Variants in TPSG1 observed in about 807,000 individuals in gnomAD.
TPSG1 encodes the protein tryptase gamma 1, also known as tryptase gamma.
Under a neutral mutation model 23.8 loss-of-function variants are expected in TPSG1, and 43 were observed. That is an observed-to-expected ratio of 1.81 (90% confidence interval 1.42 to 2.33). TPSG1 has a LOEUF of 2.33. TPSG1 is among the 30% of genes most tolerant of loss of function. TPSG1 has a pLI of 0.00. For missense variants in TPSG1, 623 were observed against 438.6 expected (o/e 1.42, Z -3.75); for synonymous variants, 302 against 201.3 (o/e 1.50, Z -4.23).
At position 1,221,864 on chromosome 16, in the gene TPSG1, A is replaced by G; in HGVS notation, c.890T>C (p.Leu297Pro). ...GFFLPGLFLL[L>P]VSCVLLAKCL... ...CTTGGCCAGCAGGACACAGGAGACT[A>G]GCAGAAGGAAGAGGCCGGGGAGGAA... The change falls in exon 6 of 6, where the codon CTA becomes CCA. Residue 297 changes from leucine to proline, a missense_variant. Physicochemically the swap from Leu to Pro is moderately conservative, Grantham distance 98. Transcript: ENST00000234798. 1 of 1,612,044 alleles carries G rather than the reference A, an allele frequency of 6.2e-7. No homozygotes were observed. The highest frequency in any genetic ancestry group is 8.5e-7 in the Non-Finnish European group (1 of 1,179,556).
At position 1,225,233 on chromosome 16, in the gene TPSG1, C is replaced by T. The variant is rs745839065; in HGVS notation, c.20G>A (p.Gly7Asp). 5.1e-6 allele frequency: 8 copies of T among 1,577,560 alleles called. No individual in the cohort carries two copies. In the East Asian group the frequency reaches 1.2e-4, roughly 23 times the overall value. The stretch of plus-strand genomic sequence containing the variant: ...GGGCACAGCCAGGAGCAGCAGGAGG[C>T]CACAGGCCCCAAGGGCCATGGTGTC... MALGAC[G>D]LLLLLAVPGV... Residue 7 changes from glycine (G) to aspartate (D), a missense_variant, in exon 1 of 6, where the codon GGC (glycine) becomes GAC (aspartate). Transcript: ENST00000234798.
In TPSG1 at chr16:1,222,892, C is replaced by G; in HGVS notation, c.271G>C (p.Val91Leu). Reference protein sequence around the residue: ...SGSLNSSDYQVHLGELEITLS... With the variant: ...SGSLNSSDYQLHLGELEITLS... ...GTGATCTCCAGTTCCCCCAGGTGCA[C>G]CTGGTAGTCGGATGAGTTCAGGGAC... Residue 91 changes from valine (V) to leucine (L), a missense_variant, in exon 4 of 6, where the codon GTG (valine) becomes CTG (leucine). Val to Leu is a conservative substitution (Grantham distance 32, BLOSUM62 1). Transcript: ENST00000234798. 1 of 1,608,412 alleles carries G rather than the reference C, an allele frequency of 6.2e-7. No homozygotes were observed. Among genetic ancestry groups the G allele is most frequent in the Non-Finnish European group, 8.5e-7 (1 of 1,178,088 alleles).
chr16:1,223,000 C>G (rs1472949815), intron 3 of TPSG1, 83 bp from the exon 4 acceptor site: 12 of 1,441,898 alleles, frequency 8.3e-6, no homozygotes, highest in East Asian at 2.5e-5. Context: ...CCTACCCTTG[C>G]AGGCATCCGA....
At chr16:1,223,199 A>AG (rs2029920340) in intron 3 of TPSG1, among the ~76,000 whole-genome samples, 1 of 152,252 alleles carries the variant, frequency 6.6e-6, no homozygotes, top group South Asian at 2.1e-4. Context: ...GAAGAGACCG[A>AG]GGGGAGGGAA....
rs551526285 is a variant in TPSG1 at position 1,225,115 on chromosome 16, C to T, written c.46+92G>A. The T allele has an allele frequency of 9.8e-5, 144 of 1,467,106 alleles. No homozygotes were observed. In the African/African-American group the frequency reaches 9.9e-4, roughly 10 times the overall value. 90.9% of individuals were successfully genotyped at this position (1,467,106 alleles called of 1,614,324 possible). ...AGGGTGGGGACTCAGCATGTTTCTC[C>T]GTCTCAGACCAGCCCCCAGTTTCAC... On this transcript the variant is annotated intron_variant, in intron 1 of 5. Transcript: ENST00000234798.
At chr16:1,223,920 C>G in intron 2 of TPSG1, 3 of 368,674 alleles carry the variant, frequency 8.1e-6, no homozygotes, top group Non-Finnish European at 4.8e-6. Flanking sequence ...CGAGAAGGCC[C>G]GGGGTGCTGG....
In TPSG1 at chr16:1,222,721, C is replaced by A; in HGVS notation, c.442G>T (p.Glu148Ter). 6.2e-7 allele frequency: 1 copy of A among 1,610,200 alleles called. No individual in the cohort carries two copies. Among genetic ancestry groups the A allele is most frequent in the Non-Finnish European group, 8.5e-7 (1 of 1,177,820 alleles). The change falls in exon 4 of 6, where the codon GAG becomes TAG. Residue 148 changes from glutamate to a stop codon, truncating the protein, a stop_gained. Coordinates refer to ENST00000234798, the MANE Select transcript of TPSG1 (RefSeq NM_012467.4). LOFTEE classifies it high-confidence loss of function. Reference sequence around the variant, plus strand: ...CCAGGGCAGAAGTCATCTGAGGCCTCCGGGAGGCAGACGGGCAGGATCCGG... The same window carrying A: ...CCAGGGCAGAAGTCATCTGAGGCCTACGGGAGGCAGACGGGCAGGATCCGG... The part of the protein sequence containing the change: ...SSRILPVCLP[E>*]ASDDFCPGIR...
In TPSG1 at chr16:1,222,886, G is replaced by C; in HGVS notation, c.277C>G (p.Leu93Val). Residue 93 changes from leucine to valine, a missense_variant, in exon 4 of 6, where the codon CTG (leucine) becomes GTG (valine). Coordinates refer to ENST00000234798, the MANE Select transcript of TPSG1 (RefSeq NM_012467.4). Reference sequence around the variant, plus strand: ...GACAGAGTGATCTCCAGTTCCCCCAGGTGCACCTGGTAGTCGGATGAGTTC... The same window carrying C: ...GACAGAGTGATCTCCAGTTCCCCCACGTGCACCTGGTAGTCGGATGAGTTC... ...SLNSSDYQVH[L>V]GELEITLSPH... The C allele has an allele frequency of 6.2e-7, 1 of 1,608,852 alleles. No homozygotes were observed. The highest frequency in any genetic ancestry group is 1.1e-5 in the South Asian group (1 of 90,308).
chr16:1,223,642 A>G, intron 2 of TPSG1, 48 bp from the exon 3 acceptor site: 1 of 1,514,818 alleles, frequency 6.6e-7, no homozygotes, highest in Non-Finnish European at 8.8e-7. Flanking sequence ...CAAGAAACCC[A>G]CTGCACTTCC....
Position 1,221,904 on chromosome 16 carries a change from G to T in TPSG1, c.850C>A (p.Leu284Ile). The change falls in exon 6 of 6, where the codon CTC becomes ATC. Residue 284 changes from leucine (L) to isoleucine (I), a missense_variant. Physicochemically the swap from Leu to Ile is conservative, Grantham distance 5. Transcript: ENST00000234798. ...GSESGYPRLP[L>I]LAGFFLPGLF... ...CCGGGGAGGAAGAAGCCAGCCAGGA[G>T]GGGGAGCCTGGGGTACCCAGACTCT... The T allele has an allele frequency of 1.2e-6, 2 of 1,611,038 alleles. No individual in the cohort carries two copies. The highest frequency in any genetic ancestry group is 1.7e-6 in the Non-Finnish European group (2 of 1,178,892).
chr16:1,223,047 A>G, intron 3 of TPSG1, 130 bp from the exon 4 acceptor site: 1 of 1,226,758 alleles, frequency 8.2e-7, no homozygotes, highest in Non-Finnish European at 1.1e-6. Context: ...GGACGCAGAA[A>G]GCCTGGGCAG....
At chr16:1,223,068 C>G (rs923638632) in intron 3 of TPSG1, 151 bp from the exon 4 acceptor site, 2 of 1,070,830 alleles carry the variant, frequency 1.9e-6, no homozygotes, top group Non-Finnish European at 2.6e-6. Context: ...TGGCCTCACC[C>G]TGCAGGGCCC....
In TPSG1 at chr16:1,221,987, G is replaced by A. The variant is rs149989823; in HGVS notation, c.767C>T (p.Thr256Ile). 1.5e-4 allele frequency: 246 copies of A among 1,612,678 alleles called. 2 individuals carry two copies. In the African/African-American group the frequency reaches 3.1e-3, roughly 20 times the overall value. The part of the protein sequence containing the change: ...CGRPNRPGVY[T>I]RVPAYVNWIR... ...CCAGTTCACGTAGGCAGGGACACGA[G>A]TGTAGACTCCCGGCCTGTTGGGGCG... The change falls in exon 6 of 6, where the codon ACT becomes ATT. Residue 256 changes from threonine to isoleucine, a missense_variant. Thr to Ile is a moderately conservative substitution (Grantham distance 89). Transcript: ENST00000234798.
intron 2 of TPSG1, 75 bp downstream of exon 2, chr16:1,224,527 G>C (rs2030043145): frequency 3.1e-6 from 5 of 1,590,636 alleles, no homozygotes; most frequent in Non-Finnish European, 4.3e-6. Context: ...CCCAGGGAAG[G>C]AGAGGGTCAC....
At chr16:1,224,271 C>T (rs575330578) in intron 2 of TPSG1, 7 of 314,394 alleles carry the variant, frequency 2.2e-5, no homozygotes, top group African/African-American at 1.3e-4. Flanking sequence ...TGGGGTGGGG[C>T]ACCGGCTCTC....
At chr16:1,223,325 C>G (rs2029932754) in intron 3 of TPSG1, 98 bp downstream of exon 3, 1 of 1,390,700 alleles carries the variant, frequency 7.2e-7, no homozygotes, top group African/African-American at 1.5e-5. Flanking sequence ...AGTTCCCAAG[C>G]CTCGGAGTGA....
Position 1,222,347 on chromosome 16 carries a change from G to T in TPSG1, c.512-6C>A, listed in dbSNP as rs1336516038. The T allele has an allele frequency of 1.3e-6, 2 of 1,585,362 alleles. No homozygotes were observed. Among genetic ancestry groups the T allele is most frequent in the East Asian group, 2.3e-5 (1 of 44,420 alleles). The stretch of plus-strand genomic sequence containing the variant: ...GTACGGGGGTGGCAGAGGCTCTGGG[G>T]TGGGGGGAACAGGCTTCAGAGAAGG... On this transcript the variant is annotated splice_polypyrimidine_tract_variant and splice_region_variant and intron_variant, in intron 4 of 5. Transcript: ENST00000234798.
chr16:1,222,952 C>G (rs747615431), intron 3 of TPSG1, 35 bp from the exon 4 acceptor site: 2 of 1,566,520 alleles, frequency 1.3e-6, no homozygotes, highest in Non-Finnish European at 1.7e-6. Context: ...GAGGGGCCAG[C>G]TGCGGAGGCT....
intron 4 of TPSG1, 122 bp from the exon 5 acceptor site, chr16:1,222,463 G>T (rs1567564825): frequency 3.2e-6 from 4 of 1,236,892 alleles, no homozygotes; most frequent in Non-Finnish European, 4.5e-6. Flanking sequence ...CACGTGGGTT[G>T]TGATCTGACG....
Sources: gnomAD v4.1 joint callset for allele counts (sites outside exome capture counted in the v4.1 genomes callset) on GRCh38, gnomAD v4.1.1 for gene constraint, MANE v1.5 for transcripts, NCBI Gene and HGNC (gene_info 2026-07-23, HGNC 2026-07-21) for gene names.